RAB1A: variants seen among roughly 807,000 people sequenced by gnomAD.
RAB1A encodes ras-related protein Rab-1A.
A neutral mutation model predicts 26.0 loss-of-function variants in RAB1A; 2 were observed. The ratio of observed to expected loss-of-function variants is 0.08; its 90% confidence interval spans 0.03 to 0.24. The LOEUF is 0.24. RAB1A is among the 10% of genes least tolerant of loss of function. RAB1A has a pLI of 1.00. For missense variants in RAB1A, 100 were observed against 247.0 expected, an observed-to-expected ratio of 0.40 and a Z score of 3.99; for synonymous variants, 84 against 84.9, an observed-to-expected ratio of 0.99 and a Z score of 0.06.
chr2:65,119,730 C>T (rs984049060), intron 1 of RAB1A, among the ~76,000 whole-genome samples: 1 of 148,310 alleles, frequency 6.7e-6, no homozygotes, highest in Non-Finnish European at 1.5e-5. Flanking sequence ...CTCAGCCTGG[C>T]GCAGTGGCTC....
At chr2:65,095,315 C>T (rs934662900) in intron 3 of RAB1A, among the ~76,000 whole-genome samples, 8 of 152,002 alleles carry the variant, frequency 5.3e-5, no homozygotes, top group East Asian at 1.9e-4. Context: ...GGACTATAAG[C>T]GTGAACCACG....
At chr2:65,098,594 G>C (rs1346921898) in intron 2 of RAB1A, among the ~76,000 whole-genome samples, 1 of 151,698 alleles carries the variant, frequency 6.6e-6, no homozygotes, top group Admixed American at 6.6e-5. Context: ...GGACAATTCA[G>C]TGGTCCTTAT....
At chr2:65,127,874 C>G (rs931003073) in intron 1 of RAB1A, among the ~76,000 whole-genome samples, 1 of 152,120 alleles carries the variant, frequency 6.6e-6, no homozygotes, top group Admixed American at 6.5e-5. Context: ...GCTGGGACTA[C>G]AGGTGCCCAC....
chr2:65,120,559 T>C (rs1011821839), intron 1 of RAB1A, among the ~76,000 whole-genome samples: 24 of 152,124 alleles, frequency 1.6e-4, no homozygotes, highest in Admixed American at 1.5e-3. Context: ...TTGATAATGA[T>C]AGTTAACATT....
At chr2:65,105,511 C>CAAAAAAAAAAAAA (rs60594101) in intron 1 of RAB1A, 1 of 33,028 alleles carries the variant, frequency 3.0e-5, no homozygotes, top group African/African-American at 1.0e-4. Flanking sequence ...AACTCTGTCT[C>CAAAAAAAAAAAAA]AAAAAAAAAA....
chr2:65,089,111 T>C (rs1669107319), intron 4 of RAB1A, 41 bp from the exon 5 acceptor site: 1 of 1,543,768 alleles, frequency 6.5e-7, no homozygotes, highest in Non-Finnish European at 8.8e-7. Flanking sequence ...AGTTCGATAA[T>C]ATAGTTCTGG....
chr2:65,117,578 T>C (rs1669853916), intron 1 of RAB1A, among the ~76,000 whole-genome samples: 1 of 152,142 alleles, frequency 6.6e-6, no homozygotes, highest in South Asian at 2.1e-4. Context: ...TTCTTTTTTT[T>C]GTGTGTGAGA....
intron 3 of RAB1A, among the ~76,000 whole-genome samples, chr2:65,095,063 T>C (rs1327795089): frequency 2.0e-5 from 3 of 152,112 alleles, no homozygotes; most frequent in African/African-American, 7.2e-5. Context: ...AAAAGAATCA[T>C]GTAGTGAGCT....
intron 2 of RAB1A, 35 bp downstream of exon 2, chr2:65,104,699 C>T: frequency 7.1e-7 from 1 of 1,407,978 alleles, no homozygotes; most frequent in Non-Finnish European, 9.8e-7. Context: ...ATTAATTGTA[C>T]CATTAATTGT....
intron 1 of RAB1A, among the ~76,000 whole-genome samples, chr2:65,111,596 A>C (rs964954273): frequency 1.3e-5 from 2 of 152,192 alleles, no homozygotes; most frequent in Non-Finnish European, 2.9e-5. Flanking sequence ...TAGAGAAACC[A>C]GATTAAGTCT....
chr2:65,103,118 G>C (rs12713529), intron 2 of RAB1A, among the ~76,000 whole-genome samples: 124,140 of 151,512 alleles, frequency 0.82, 50,950 homozygotes, highest in African/African-American at 0.83. Context: ...AAGTTTGAGA[G>C]CAGCCTGTGC....
At chr2:65,103,806 G>T (rs542154045) in intron 2 of RAB1A, among the ~76,000 whole-genome samples, 32 of 151,102 alleles carry the variant, frequency 2.1e-4, no homozygotes, top group African/African-American at 6.8e-4. Context: ...TTTTGAGACA[G>T]TCTTGCTCTG....
chr2:65,119,147 G>A (rs962294501), intron 1 of RAB1A, among the ~76,000 whole-genome samples: 1 of 152,146 alleles, frequency 6.6e-6, no homozygotes, highest in Non-Finnish European at 1.5e-5. Context: ...CCAGGCTGCA[G>A]TAAGCCATGA....
intron 1 of RAB1A, among the ~76,000 whole-genome samples, chr2:65,116,766 A>G (rs958456870): frequency 6.6e-6 from 1 of 152,244 alleles, no homozygotes; most frequent in Non-Finnish European, 1.5e-5. Flanking sequence ...TTGCCAACTA[A>G]TAGTTGTAAG....
At chr2:65,090,470 C>T (rs1669146995) in intron 4 of RAB1A, among the ~76,000 whole-genome samples, 1 of 152,194 alleles carries the variant, frequency 6.6e-6, no homozygotes, top group Non-Finnish European at 1.5e-5. Context: ...GCTCTGCCCT[C>T]TCTCACAGCT....
Position 65,088,390 on chromosome 2 carries a change from C to T in RAB1A, c.*103G>A. ...TGACCTTTGTGGAGACGGTAAGAATCTGTTGTAGTGCAGCTACATACAGTA... is the reference window on the plus strand; with the variant it reads ...TGACCTTTGTGGAGACGGTAAGAATTTGTTGTAGTGCAGCTACATACAGTA... On this transcript the variant is annotated 3_prime_UTR_variant, in exon 6 of 6. Coordinates refer to ENST00000409784, the MANE Select transcript of RAB1A (RefSeq NM_004161.5). 1.1e-6 allele frequency: 1 copy of T among 924,168 alleles called. No homozygotes were observed. Among genetic ancestry groups the T allele is most frequent in the South Asian group, 1.8e-5 (1 of 55,168 alleles). 57.2% of individuals were successfully genotyped at this position (924,168 alleles called of 1,614,324 possible). A position where few individuals can be genotyped will look rare whatever the true frequency, so the allele number is the denominator to read the frequency against.
At chr2:65,116,579 A>G (rs1669832269) in intron 1 of RAB1A, among the ~76,000 whole-genome samples, 2 of 152,224 alleles carry the variant, frequency 1.3e-5, no homozygotes, top group South Asian at 4.1e-4. Context: ...ATACAGAAGC[A>G]CAGTAAGTGG....
chr2:65,119,841 C>CAAAAAAAA (rs1178958164), intron 1 of RAB1A, among the ~76,000 whole-genome samples: 13 of 36,410 alleles, frequency 3.6e-4, no homozygotes, highest in African/African-American at 9.9e-4. Context: ...CCTGTCTCTA[C>CAAAAAAAA]AAAAAAAAAA....
Position 65,098,047 on chromosome 2 carries a change from C to T in RAB1A, c.116G>A (p.Ser39Asn). The change falls in exon 3 of 6, where the codon AGC becomes AAC. Residue 39 changes from serine (S) to asparagine (N), a missense_variant. Ser to Asn is a conservative substitution (Grantham distance 46, BLOSUM62 1). Around this residue, in one of 2 missense-constraint regions of RAB1A, gnomAD observed 33 missense variants for 124.2 expected, o/e 0.27. Transcript: ENST00000409784. ...ATCCACACCAATTGTGCTGATGTAG[C>T]TTTCTGTATATGTATCATCCTGAAG... ...LRFADDTYTE[S>N]YISTIGVDFK... is the part of the protein sequence containing the mutation. 6.4e-7 allele frequency: 1 copy of T among 1,567,842 alleles called. No homozygotes were observed. Among genetic ancestry groups the T allele is most frequent in the Non-Finnish European group, 8.7e-7 (1 of 1,150,898 alleles).
Sources: gnomAD v4.1 joint callset for allele counts (sites outside exome capture counted in the v4.1 genomes callset) on GRCh38, gnomAD v4.1.1 for gene constraint, gnomAD v4.1.1 regional missense constraint, MANE v1.5 for transcripts, NCBI Gene and HGNC (gene_info 2026-07-23, HGNC 2026-07-21) for gene names.